CDH12: variants seen among roughly 807,000 people sequenced by gnomAD.
The protein encoded by CDH12 is cadherin-12.
Under a neutral mutation model 74.1 loss-of-function variants are expected in CDH12, and 41 were observed. The ratio of observed to expected loss-of-function variants is 0.55; its 90% CI spans 0.43 to 0.72. The LOEUF (loss-of-function observed/expected upper bound fraction) is 0.72, where lower values mean the gene tolerates loss of function less well. Ranked by LOEUF, CDH12 falls within the 30% of genes least tolerant of loss-of-function variation. CDH12 has a pLI of 0.00. For synonymous variants in CDH12, 399 were observed against 355.0 expected, an observed-to-expected ratio of 1.12 and a Z score of -1.39; for missense variants, 945 against 977.2, an observed-to-expected ratio of 0.97 and a Z score of 0.44.
At chr5:22,124,749 A>G (rs1339494185) in intron 4 of CDH12, among the ~76,000 whole-genome samples, 1 of 151,994 alleles carries the variant, frequency 6.6e-6, no homozygotes, top group Non-Finnish European at 1.5e-5. Flanking sequence ...ATGGGTGAGG[A>G]TCTTTGAATG....
intron 6 of CDH12, among the ~76,000 whole-genome samples, chr5:21,891,478 C>A (rs867993945): frequency 6.6e-6 from 1 of 151,912 alleles, no homozygotes; most frequent in Non-Finnish European, 1.5e-5. Flanking sequence ...ATGAATTACA[C>A]ACATCATGTG....
intron 1 of CDH12, among the ~76,000 whole-genome samples, chr5:22,600,041 A>G (rs572112332): frequency 1.3e-5 from 2 of 152,272 alleles, no homozygotes; most frequent in African/African-American, 4.8e-5. Flanking sequence ...CAATGGGGAA[A>G]AAAAGACATG....
At chr5:22,402,460 G>A (rs1056790170) in intron 3 of CDH12, among the ~76,000 whole-genome samples, 7 of 152,164 alleles carry the variant, frequency 4.6e-5, no homozygotes, top group African/African-American at 1.4e-4. Flanking sequence ...GCTGAATCAT[G>A]TTCTACTATC....
At chr5:22,207,799 T>A (rs1453345035) in intron 4 of CDH12, among the ~76,000 whole-genome samples, 2 of 152,202 alleles carry the variant, frequency 1.3e-5, no homozygotes, top group East Asian at 3.8e-4. Flanking sequence ...TGTTATGAAA[T>A]TGTTCCTGGA....
chr5:22,539,835 G>A (rs192042951), intron 1 of CDH12, among the ~76,000 whole-genome samples: 1 of 152,156 alleles, frequency 6.6e-6, no homozygotes, highest in Admixed American at 6.6e-5. Context: ...TATAAAAATC[G>A]TATCTCTGAA....
chr5:22,488,501 A>G (rs1470351722), intron 2 of CDH12, among the ~76,000 whole-genome samples: 1 of 152,186 alleles, frequency 6.6e-6, no homozygotes, highest in Non-Finnish European at 1.5e-5. Context: ...TGATCCTGAA[A>G]GGACTGCCCC....
At chr5:22,838,944 TG>T (rs1248323914) in intron 1 of CDH12, among the ~76,000 whole-genome samples, 1 of 152,150 alleles carries the variant, frequency 6.6e-6, no homozygotes, top group Non-Finnish European at 1.5e-5. Flanking sequence ...CCCAAAGTGC[TG>T]GTATGATAGG....
At chr5:21,825,174 A>G (rs10036078) in intron 8 of CDH12, among the ~76,000 whole-genome samples, 129,726 of 149,654 alleles carry the variant, frequency 0.87, 56,506 homozygotes, top group South Asian at 0.91. Flanking sequence ...AAAAAGAAAA[A>G]AAACTAACAA....
At chr5:22,775,225 G>A (rs547433744) in intron 1 of CDH12, among the ~76,000 whole-genome samples, 1 of 152,024 alleles carries the variant, frequency 6.6e-6, no homozygotes, top group Admixed American at 6.6e-5. Context: ...GACAGCAGGA[G>A]GTATGTTATA....
intron 3 of CDH12, among the ~76,000 whole-genome samples, chr5:22,316,651 C>T (rs1320527828): frequency 6.6e-6 from 1 of 151,976 alleles, no homozygotes; most frequent in Non-Finnish European, 1.5e-5. Context: ...TGTATCTATA[C>T]CCATAATACC....
intron 3 of CDH12, among the ~76,000 whole-genome samples, chr5:22,281,272 T>G (rs946315964): frequency 3.3e-5 from 5 of 152,176 alleles, no homozygotes; most frequent in African/African-American, 4.8e-5. Context: ...AATATCATAC[T>G]GAATGGGCAA....
At chr5:21,911,701 G>A (rs1753866841) in intron 6 of CDH12, among the ~76,000 whole-genome samples, 1 of 151,992 alleles carries the variant, frequency 6.6e-6, no homozygotes, top group Non-Finnish European at 1.5e-5. Flanking sequence ...ATTTCTTGAG[G>A]AATACATGTA....
intron 1 of CDH12, among the ~76,000 whole-genome samples, chr5:22,751,985 A>G (rs1745601778): frequency 6.6e-6 from 1 of 152,196 alleles, no homozygotes; most frequent in Non-Finnish European, 1.5e-5. Context: ...ATCAGCTACA[A>G]GTCTAAACAA....
intron 1 of CDH12, among the ~76,000 whole-genome samples, chr5:22,742,922 A>G (rs941821840): frequency 6.6e-6 from 1 of 151,912 alleles, no homozygotes; most frequent in Non-Finnish European, 1.5e-5. Context: ...GGATGAGATT[A>G]ACATTTAAAT....
At chr5:21,755,074 A>C (rs1347342436) in intron 14 of CDH12, among the ~76,000 whole-genome samples, 1 of 152,224 alleles carries the variant, frequency 6.6e-6, no homozygotes, top group East Asian at 1.9e-4. Context: ...GTTTAAACAG[A>C]AAAGACAAAT....
chr5:22,451,025 C>G (rs1745021779), intron 2 of CDH12, among the ~76,000 whole-genome samples: 2 of 151,640 alleles, frequency 1.3e-5, no homozygotes, highest in African/African-American at 2.4e-5. Flanking sequence ...AAGCATTTAA[C>G]TCTCATTCTC....
chr5:22,425,158 T>TATATATATATAA (rs1554039881), intron 2 of CDH12, among the ~76,000 whole-genome samples: 4 of 132,432 alleles, frequency 3.0e-5, no homozygotes, highest in African/African-American at 8.5e-5. Flanking sequence ...TGTGTGTATA[T>TATATATATATAA]ATATATATAT....
At chr5:22,134,027 C>T (rs1192100507) in intron 4 of CDH12, among the ~76,000 whole-genome samples, 3 of 152,024 alleles carry the variant, frequency 2.0e-5, no homozygotes, top group Non-Finnish European at 4.4e-5. Flanking sequence ...AACAAATAAG[C>T]AAATGGGAGA....
chr5:22,056,552 A>G (rs776357874), intron 5 of CDH12, among the ~76,000 whole-genome samples: 7 of 152,202 alleles, frequency 4.6e-5, no homozygotes, highest in Non-Finnish European at 8.8e-5. Flanking sequence ...TCTTCGTTGA[A>G]CATAGATAGA....
Sources: gnomAD v4.1 joint callset for allele counts (sites outside exome capture counted in the v4.1 genomes callset) on GRCh38, gnomAD v4.1.1 for gene constraint, MANE v1.5 for transcripts, NCBI Gene and HGNC (gene_info 2026-07-23, HGNC 2026-07-21) for gene names.